Variants in CNTLN observed in about 807,000 individuals in gnomAD.
CNTLN encodes the protein centlein.
A neutral mutation model predicts 180.0 loss-of-function variants in CNTLN; 212 were observed. The ratio of observed to expected loss-of-function variants is 1.18; its 90% CI spans 1.05 to 1.32. CNTLN has a LOEUF of 1.32. Among genes scored for constraint, CNTLN ranks in the 40% most tolerant of loss-of-function variants. The pLI is 0.00. For missense variants in CNTLN, 2,095 were observed against 1,610.9 expected (o/e 1.30, Z -5.14); for synonymous variants, 722 against 563.1 (o/e 1.28, Z -3.99).
At chr9:17,478,593 C>A (rs1554728825) in intron 23 of CNTLN, among the ~76,000 whole-genome samples, 1 of 151,894 alleles carries the variant, frequency 6.6e-6, no homozygotes, top group Non-Finnish European at 1.5e-5. Flanking sequence ...CTCCTGGACT[C>A]AAGCGTCTTC....
chr9:17,304,205 G>C (rs1027667284), intron 7 of CNTLN, among the ~76,000 whole-genome samples: 1 of 152,098 alleles, frequency 6.6e-6, no homozygotes, highest in Non-Finnish European at 1.5e-5. Flanking sequence ...AGAGCTCTCC[G>C]TAACAAATCA....
rs1209709665 is a variant in CNTLN, at chr9:17,236,273, T to C, written c.670-136T>C. On this transcript the variant is annotated intron_variant, in intron 4 of 25. Transcript: ENST00000380647. ...GGCCAATAAAAGTACACAGGTGACCTTGGCTATCAAATATAGAAGAAGCTT... is the reference window on the plus strand; with the variant it reads ...GGCCAATAAAAGTACACAGGTGACCCTGGCTATCAAATATAGAAGAAGCTT... 3 of 661,408 alleles carry C rather than the reference T, an allele frequency of 4.5e-6. No individual in the cohort carries two copies. In the Admixed American group the frequency reaches 1.1e-4, roughly 23 times the overall value. 41.0% of individuals were successfully genotyped at this position (661,408 alleles called of 1,614,324 possible). A position where few individuals can be genotyped will look rare whatever the true frequency, so the allele number is the denominator to read the frequency against.
chr9:17,355,875 C>T (rs1194864602), intron 12 of CNTLN, among the ~76,000 whole-genome samples: 8 of 139,282 alleles, frequency 5.7e-5, no homozygotes, highest in Non-Finnish European at 9.5e-5. Flanking sequence ...CCATCCTGGC[C>T]AACATAGTGA....
chr9:17,459,455 A>G (rs894026694), intron 19 of CNTLN, among the ~76,000 whole-genome samples: 1 of 151,858 alleles, frequency 6.6e-6, no homozygotes, highest in African/African-American at 2.4e-5. Context: ...GACAAAAAGG[A>G]TAAGTTTTTA....
intron 2 of CNTLN, among the ~76,000 whole-genome samples, chr9:17,187,280 C>G (rs1037249642): frequency 6.6e-6 from 1 of 152,012 alleles, no homozygotes; most frequent in Non-Finnish European, 1.5e-5. Flanking sequence ...AAATGTCAAA[C>G]TCTTTTGTAA....
intron 15 of CNTLN, among the ~76,000 whole-genome samples, chr9:17,407,029 A>C (rs1042366822): frequency 6.7e-6 from 1 of 149,504 alleles, no homozygotes; most frequent in African/African-American, 2.5e-5. Context: ...AGAACATAAA[A>C]AGAGGTAAAC....
chr9:17,290,044 G>C (rs2132674111), intron 6 of CNTLN, among the ~76,000 whole-genome samples: 1 of 152,240 alleles, frequency 6.6e-6, no homozygotes, highest in Admixed American at 6.5e-5. Flanking sequence ...TTTTTCCGTT[G>C]CTGGTGAGGA....
rs1010930865 is a variant in CNTLN, at chr9:17,357,734, A to AT, written c.1887-8879dup. Among the ~76,000 whole-genome samples, 340 of 151,366 alleles carry AT rather than the reference A, an allele frequency of 2.2e-3. 4 individuals are homozygous for AT. Among genetic ancestry groups the AT allele is most frequent in the Non-Finnish European group, 3.3e-3 (222 of 67,678 alleles). On this transcript the variant is annotated intron_variant, in intron 12 of 25. Transcript: ENST00000380647. ...CAGCAAAGTTACTTTCCATAAGTCA[A>AT]TTTTGTCACACGAACTCATTCTATT...
intron 2 of CNTLN, among the ~76,000 whole-genome samples, chr9:17,208,574 C>A (rs1244990532): frequency 6.6e-6 from 1 of 152,168 alleles, no homozygotes; most frequent in East Asian, 1.9e-4. Context: ...TAGAATTCAG[C>A]ATTTAAGCCA....
In CNTLN at chr9:17,135,097, C is replaced by A. The variant is rs1793742694; in HGVS notation, c.32C>A (p.Pro11His). The change falls in exon 1 of 26, where the codon CCT (proline) becomes CAT (histidine). Residue 11 changes from proline (P) to histidine (H), a missense_variant. Pro to His is a moderately conservative substitution (Grantham distance 77). Transcript: ENST00000380647. MAARSPPSPH[P>H]SPPARQLGPR... ...GCGCGTTCGCCTCCCTCACCGCACC[C>A]TTCGCCCCCAGCGCGACAGCTGGGC... 1.2e-6 allele frequency: 2 copies of A among 1,604,846 alleles called. No individual in the cohort carries two copies. The highest frequency in any genetic ancestry group is 8.5e-7 in the Non-Finnish European group (1 of 1,177,788).
chr9:17,334,579 A>G (rs957334422), intron 10 of CNTLN, among the ~76,000 whole-genome samples: 1 of 152,210 alleles, frequency 6.6e-6, no homozygotes, highest in South Asian at 2.1e-4. Flanking sequence ...AGGGAATGCT[A>G]TGCAGCCATA....
chr9:17,249,842 G>A (rs898930178), intron 5 of CNTLN, among the ~76,000 whole-genome samples: 11 of 148,950 alleles, frequency 7.4e-5, no homozygotes, highest in Admixed American at 2.0e-4. Flanking sequence ...TGAGTAGCAC[G>A]TTTATTCAGC....
intron 2 of CNTLN, among the ~76,000 whole-genome samples, chr9:17,224,748 C>T (rs1824356144): frequency 6.6e-6 from 1 of 151,964 alleles, no homozygotes; most frequent in Non-Finnish European, 1.5e-5. Context: ...TTACTTTTAA[C>T]ATTAGTTATT....
the CNTLN span, among the ~76,000 whole-genome samples, chr9:17,528,597 A>G: frequency 6.6e-6 from 1 of 152,246 alleles, no homozygotes; most frequent in Non-Finnish European, 1.5e-5. Flanking sequence ...AAAAATAAGG[A>G]AATCTGAATA....
chr9:17,397,835 C>G (rs1587882224), intron 15 of CNTLN, among the ~76,000 whole-genome samples: 1 of 152,084 alleles, frequency 6.6e-6, no homozygotes, highest in Admixed American at 6.6e-5. Flanking sequence ...CAGTAAAACT[C>G]AATTTTACAC....
rs1587935489 is a variant in CNTLN at position 17,416,057 on chromosome 9, A to C, written c.2982A>C (p.Gln994His). The C allele has an allele frequency of 6.2e-7, 1 of 1,613,706 alleles. No individual in the cohort carries two copies. Among genetic ancestry groups the C allele is most frequent in the Middle Eastern group, 1.7e-4 (1 of 6,054 alleles). The part of the protein sequence containing the change: ...LRERIISLQQ[Q>H]NSVLQNAKKT... ...AACGGATTATATCCTTGCAACAACA[A>C]AACAGTGTACTTCAGAATGCCAAGA... The change falls in exon 18 of 26, where the codon CAA becomes CAC. Residue 994 changes from glutamine (Q) to histidine (H), a missense_variant. By Grantham distance (24) the Gln-to-His change is conservative (BLOSUM62 0). Transcript: ENST00000380647.
intron 1 of CNTLN, among the ~76,000 whole-genome samples, chr9:17,137,929 T>G (rs187339492): frequency 3.3e-5 from 5 of 152,322 alleles, no homozygotes; most frequent in African/African-American, 1.2e-4. Context: ...GCCCCCTGAT[T>G]AGCAACTGAA....
intron 12 of CNTLN, among the ~76,000 whole-genome samples, chr9:17,360,832 C>G (rs1313577890): frequency 6.6e-6 from 1 of 152,118 alleles, no homozygotes; most frequent in African/African-American, 2.4e-5. Context: ...TGTTTTATAG[C>G]CCAGCATGTG....
At chr9:17,437,697 C>T (rs184045971) in intron 18 of CNTLN, among the ~76,000 whole-genome samples, 10 of 152,114 alleles carry the variant, frequency 6.6e-5, no homozygotes, top group Admixed American at 2.0e-4. Flanking sequence ...ACATGTAAAG[C>T]GCTATAATAA....
Sources: allele counts gnomAD v4.1 joint callset (sites outside exome capture counted in the v4.1 genomes callset), GRCh38; gene constraint gnomAD v4.1.1; transcripts MANE v1.5; gene names NCBI Gene and HGNC (gene_info 2026-07-23, HGNC 2026-07-21).